The following LRP5 variants were observed in gnomAD, a reference collection of about 807,000 sequenced individuals.
The protein encoded by LRP5 is low-density lipoprotein receptor-related protein 5.
LRP5 carries 62 observed loss-of-function variants against 154.1 expected under a neutral mutation model. That is an observed-to-expected ratio of 0.40 (90% confidence interval 0.33 to 0.50). The LOEUF (loss-of-function observed/expected upper bound fraction) is 0.50. LRP5 is among the 20% of genes least tolerant of loss of function. The pLI, the probability that LRP5 is intolerant of heterozygous loss-of-function variation, is 0.55. For missense variants in LRP5, 1,915 were observed against 2,336.7 expected, an observed-to-expected ratio of 0.82 and a Z score of 3.72; for synonymous variants, 966 against 1,011.5, an observed-to-expected ratio of 0.96 and a Z score of 0.85.
chr11:68,312,356 C>T (rs2098588599), upstream of LRP5, among the ~76,000 whole-genome samples: 1 of 151,722 alleles, frequency 6.6e-6, no homozygotes, highest in African/African-American at 2.4e-5. Flanking sequence ...GATCGGCCGC[C>T]GGGCCCCGCG....
chr11:68,432,463 C>T (rs924329096), intron 17 of LRP5, among the ~76,000 whole-genome samples: 2 of 152,240 alleles, frequency 1.3e-5, no homozygotes, highest in Non-Finnish European at 2.9e-5. Flanking sequence ...CTAGAACTCT[C>T]GTCTTTGATC....
rs769460949 is a variant in LRP5 at position 68,437,022 on chromosome 11, G to A, written c.4111+23G>A. The A allele has an allele frequency of 2.5e-6, 4 of 1,601,604 alleles. No individual in the cohort carries two copies. The Admixed American group carries it at 5.0e-5, about 20-fold the overall frequency. The stretch of plus-strand genomic sequence containing the variant: ...GTGGTGAGCCAGCTTCTGGCACGGG[G>A]AAGGGGCGTCCGGGCTGGGTTCCCC... On this transcript the variant is annotated intron_variant, in intron 19 of 22. Transcript: ENST00000294304.
chr11:68,438,820 G>A, intron 20 of LRP5, 138 bp downstream of exon 20: 1 of 767,900 alleles, frequency 1.3e-6, no homozygotes, highest in Non-Finnish European at 2.1e-6. Flanking sequence ...ACAGCATTCA[G>A]CCTTTCCCAC....
upstream of LRP5, among the ~76,000 whole-genome samples, chr11:68,311,354 A>T (rs1243159130): frequency 6.6e-6 from 1 of 152,074 alleles, no homozygotes; most frequent in Non-Finnish European, 1.5e-5. Flanking sequence ...GAATCCAGCG[A>T]CCAGGCTGCC....
chr11:68,436,772 A>T lies in LRP5; in HGVS notation c.4001-117A>T, dbSNP rs957483399. 3 of 741,354 alleles carry T rather than the reference A, an allele frequency of 4.0e-6. No homozygotes were observed. The African/African-American group carries it at 5.1e-5, about 13-fold the overall frequency. The allele number at this position is 741,354 out of a possible 1,614,324, so 45.9% of individuals were successfully genotyped here. ...TACTAGACCACTCCCCGCTGGTCCT[A>T]GAAAGGGTCCCATCTGTCTGCTCTC... On this transcript the variant is annotated intron_variant, in intron 18 of 22. Coordinates refer to ENST00000294304, the MANE Select transcript of LRP5 (RefSeq NM_002335.4).
chr11:68,367,509 C>T (rs1015731580), intron 5 of LRP5, among the ~76,000 whole-genome samples: 5 of 152,242 alleles, frequency 3.3e-5, no homozygotes, highest in Non-Finnish European at 5.9e-5. Flanking sequence ...CAAGCCTCAG[C>T]GGAGAAGGAT....
At chr11:68,325,822 T>C (rs1401721373) in intron 1 of LRP5, among the ~76,000 whole-genome samples, 1 of 152,230 alleles carries the variant, frequency 6.6e-6, no homozygotes, top group Non-Finnish European at 1.5e-5. Context: ...TGATAGGGAA[T>C]GATCTTTATG....
chr11:68,369,658 G>A (rs2098632989), intron 5 of LRP5, among the ~76,000 whole-genome samples: 1 of 152,168 alleles, frequency 6.6e-6, no homozygotes, highest in African/African-American at 2.4e-5. Flanking sequence ...TGTAATCCCA[G>A]CTATTTGGGA....
rs774581686 is a variant in LRP5 at position 68,446,539 on chromosome 11, A to G, written c.4586+6A>G. The G allele has an allele frequency of 2.5e-6, 4 of 1,611,176 alleles. No homozygotes were observed. The African/African-American group carries it at 5.3e-5, about 22-fold the overall frequency. The stretch of plus-strand genomic sequence containing the variant: ...GCCACTGCGAGACCGTACAGGTAGG[A>G]CATCCCCTGCAGCCCTCCATGGCCA... On this transcript the variant is annotated splice_donor_region_variant and intron_variant, in intron 22 of 22. Coordinates refer to ENST00000294304, the MANE Select transcript of LRP5 (RefSeq NM_002335.4).
At chr11:68,404,083 T>C in intron 8 of LRP5, 1 of 433,030 alleles carries the variant, frequency 2.3e-6, no homozygotes, top group Non-Finnish European at 4.4e-6. Context: ...CAGGACTCCC[T>C]CCTGGGTCTG....
Position 68,449,151 on chromosome 11 carries a change from T to C in LRP5, c.*81T>C. The C allele has an allele frequency of 2.5e-6, 3 of 1,223,656 alleles. No homozygotes were observed. Among genetic ancestry groups the C allele is most frequent in the East Asian group, 2.6e-5 (1 of 37,760 alleles). 75.8% of individuals were successfully genotyped at this position (1,223,656 alleles called of 1,614,324 possible). On this transcript the variant is annotated 3_prime_UTR_variant, in exon 23 of 23. Transcript: ENST00000294304. ...ACAAAGAAAAAAATATATTTTATGA[T>C]TTAAAAAATAAATATAATTGGGATT...
At chr11:68,434,489 C>T (rs893947864) in intron 18 of LRP5, among the ~76,000 whole-genome samples, 1 of 152,176 alleles carries the variant, frequency 6.6e-6, no homozygotes, top group African/African-American at 2.4e-5. Context: ...AATCGATTCT[C>T]CTGCCTCAGC....
intron 1 of LRP5, among the ~76,000 whole-genome samples, chr11:68,322,953 G>C (rs919555871): frequency 1.3e-5 from 2 of 152,232 alleles, no homozygotes; most frequent in Admixed American, 1.3e-4. Flanking sequence ...CTAGGGCCCA[G>C]ACTCCGTGAG....
intron 1 of LRP5, among the ~76,000 whole-genome samples, chr11:68,332,463 G>T (rs2098603426): frequency 6.6e-6 from 1 of 152,258 alleles, no homozygotes; most frequent in Admixed American, 6.5e-5. Flanking sequence ...CATCAGCCAT[G>T]CCTGCCCTGA....
At chr11:68,304,527 G>C in the LRP5 span, among the ~76,000 whole-genome samples, 1 of 152,202 alleles carries the variant, frequency 6.6e-6, no homozygotes, top group African/African-American at 2.4e-5. Flanking sequence ...GTGGAGCTGC[G>C]GGACGGGGCC....
intron 8 of LRP5, among the ~76,000 whole-genome samples, chr11:68,404,655 C>T (rs1373536389): frequency 6.6e-6 from 1 of 152,104 alleles, no homozygotes; most frequent in African/African-American, 2.4e-5. Context: ...TTAGTTTTCC[C>T]AGCCTCCTTT....
At position 68,359,579 on chromosome 11, in the gene LRP5, G is replaced by A. The variant is rs183779184; in HGVS notation, c.686+1732G>A. The stretch of plus-strand genomic sequence containing the variant: ...TAATGGTGGTGGCGGTGGCGGCAGC[G>A]AATCCTTCCATAGCACTTACTGTTT... On this transcript the variant is annotated intron_variant, in intron 3 of 22. Coordinates refer to ENST00000294304, the MANE Select transcript of LRP5 (RefSeq NM_002335.4). Among the ~76,000 whole-genome samples, 44 of 152,274 alleles carry A rather than the reference G, an allele frequency of 2.9e-4. No homozygotes were observed. In the East Asian group the frequency reaches 4.1e-3, roughly 14 times the overall value.
intron 1 of LRP5, among the ~76,000 whole-genome samples, chr11:68,319,779 G>A (rs1430573379): frequency 1.3e-5 from 2 of 152,202 alleles, no homozygotes; most frequent in Non-Finnish European, 2.9e-5. Context: ...CTATTACAAA[G>A]CATGCTTGCT....
chr11:68,402,855 C>G (rs1420444518), intron 7 of LRP5, among the ~76,000 whole-genome samples: 1 of 152,228 alleles, frequency 6.6e-6, no homozygotes, highest in African/African-American at 2.4e-5. Flanking sequence ...TGTTCCAAAT[C>G]TTGCTTCTCA....
Sources: allele counts gnomAD v4.1 joint callset (sites outside exome capture counted in the v4.1 genomes callset), GRCh38; gene constraint gnomAD v4.1.1; transcripts MANE v1.5; gene names NCBI Gene and HGNC (gene_info 2026-07-23, HGNC 2026-07-21).